XPR1: variants seen among roughly 807,000 people sequenced by gnomAD.
XPR1 encodes xenotropic and polytropic retrovirus receptor 1, also known as solute carrier family 53 member 1.
In XPR1, 28 loss-of-function variants were observed where a neutral mutation model predicts 87.5. The observed-to-expected ratio is 0.32, with a 90% CI of 0.24 to 0.44. The LOEUF (loss-of-function observed/expected upper bound fraction) is 0.44. Among genes scored for constraint, XPR1 ranks in the 20% least tolerant of loss-of-function variants. XPR1 has a pLI of 1.00. For missense variants in XPR1, 559 were observed against 862.3 expected, an observed-to-expected ratio of 0.65 and a Z score of 4.41; for synonymous variants, 300 against 306.1, an observed-to-expected ratio of 0.98 and a Z score of 0.21.
intron 6 of XPR1, 55 bp downstream of exon 6, chr1:180,806,612 A>G (rs369365659): frequency 1.3e-6 from 2 of 1,501,036 alleles, no homozygotes; most frequent in South Asian, 1.2e-5. Flanking sequence ...TAATCAACAC[A>G]GTATTTAGCT....
intron 2 of XPR1, among the ~76,000 whole-genome samples, chr1:180,750,814 A>G (rs750612026): frequency 1.1e-4 from 17 of 152,068 alleles, no homozygotes; most frequent in Admixed American, 5.9e-4. Context: ...CACTGAATCT[A>G]TAGATTATTT....
intron 2 of XPR1, among the ~76,000 whole-genome samples, chr1:180,745,736 A>G (rs1228167116): frequency 1.3e-5 from 2 of 152,336 alleles, no homozygotes; most frequent in South Asian, 4.1e-4. Flanking sequence ...CAGATACTGA[A>G]GAGGAAAAAT....
intron 2 of XPR1, among the ~76,000 whole-genome samples, chr1:180,688,621 C>T (rs1656869789): frequency 6.6e-6 from 1 of 151,980 alleles, no homozygotes; most frequent in Admixed American, 6.5e-5. Context: ...TCAGTCATAC[C>T]TTAATAATCA....
chr1:180,770,165 G>C (rs1214650131), intron 2 of XPR1, among the ~76,000 whole-genome samples: 1 of 152,020 alleles, frequency 6.6e-6, no homozygotes, highest in Non-Finnish European at 1.5e-5. Flanking sequence ...TTATGTTTTT[G>C]TCTTCTGAAA....
rs189176534 is a variant in XPR1 at position 180,790,308 on chromosome 1, T to G, written c.223+2454T>G. On this transcript the variant is annotated intron_variant, in intron 3 of 14. Transcript: ENST00000367590. The stretch of plus-strand genomic sequence containing the variant: ...TCTAAGAATTATTAAATAAATATAT[T>G]TAACTTCCCTTTATACCAATTCAAT... 2.9e-3 allele frequency among the ~76,000 whole-genome samples: 442 copies of G among 152,278 alleles called. 3 individuals carry two copies. The highest frequency in any genetic ancestry group is 9.6e-3 in the African/African-American group (400 of 41,548).
intron 3 of XPR1, among the ~76,000 whole-genome samples, chr1:180,802,983 G>A (rs562032938): frequency 2.0e-5 from 3 of 152,126 alleles, no homozygotes; most frequent in Non-Finnish European, 2.9e-5. Flanking sequence ...TATTATAAAT[G>A]CAAGTTAGTA....
At chr1:180,789,785 C>T (rs1273658719) in intron 3 of XPR1, among the ~76,000 whole-genome samples, 1 of 152,214 alleles carries the variant, frequency 6.6e-6, no homozygotes, top group South Asian at 2.1e-4. Context: ...TCCCTTTACC[C>T]TCATTGCCTT....
chr1:180,777,655 T>C (rs1321929676), intron 2 of XPR1, among the ~76,000 whole-genome samples: 2 of 152,236 alleles, frequency 1.3e-5, no homozygotes, highest in Non-Finnish European at 2.9e-5. Context: ...ATAATTCATC[T>C]ACCCATCTGT....
chr1:180,699,001 G>A (rs1657260768), intron 2 of XPR1, among the ~76,000 whole-genome samples: 1 of 152,062 alleles, frequency 6.6e-6, no homozygotes, highest in African/African-American at 2.4e-5. Flanking sequence ...ACCTTTGTGG[G>A]TTGAATCTGT....
intron 2 of XPR1, among the ~76,000 whole-genome samples, chr1:180,759,486 C>T (rs1647905027): frequency 6.6e-6 from 1 of 152,174 alleles, no homozygotes; most frequent in Non-Finnish European, 1.5e-5. Context: ...ACTACAAACA[C>T]CTCTACGCAC....
At chr1:180,768,752 T>TA (rs1473108490) in intron 2 of XPR1, among the ~76,000 whole-genome samples, 3 of 152,260 alleles carry the variant, frequency 2.0e-5, no homozygotes, top group Admixed American at 6.5e-5. Context: ...TCAACTCCCC[T>TA]AAACACATGT....
At chr1:180,865,439 C>T (rs1243343276) in intron 12 of XPR1, among the ~76,000 whole-genome samples, 2 of 148,152 alleles carry the variant, frequency 1.3e-5, no homozygotes, top group Non-Finnish European at 3.0e-5. Context: ...CTTGCTCTGT[C>T]ACCCAGGCTA....
intron 2 of XPR1, among the ~76,000 whole-genome samples, chr1:180,716,741 TG>T (rs1164518601): frequency 2.0e-5 from 3 of 152,190 alleles, no homozygotes; most frequent in Non-Finnish European, 4.4e-5. Flanking sequence ...TCTTCCCCTC[TG>T]GAATTAGGTC....
chr1:180,882,420 G>A (rs1245301629), intron 14 of XPR1, among the ~76,000 whole-genome samples: 3 of 152,070 alleles, frequency 2.0e-5, no homozygotes, highest in South Asian at 2.1e-4. Flanking sequence ...GCAGCAGCAC[G>A]ATCATGACTC....
chr1:180,834,891 C>G lies in XPR1; in HGVS notation c.1152C>G (p.Ala384=). 2.5e-6 allele frequency: 4 copies of G among 1,611,802 alleles called. No individual in the cohort carries two copies. Among genetic ancestry groups the G allele is most frequent in the Non-Finnish European group, 3.4e-6 (4 of 1,179,240 alleles). ...TCTTTCAGTTTCGAGTATTTACAGC[C>G]CCCTTCCATAAGGTAGGCTTTGCTG... ...LLKLLFRVFT[A]PFHKVGFADF... The change falls in exon 10 of 15, where the codon GCC becomes GCG. Residue 384 remains alanine, a synonymous_variant. Transcript: ENST00000367590.
chr1:180,721,167 G>A (rs1470285233), intron 2 of XPR1, among the ~76,000 whole-genome samples: 3 of 151,196 alleles, frequency 2.0e-5, no homozygotes, highest in Non-Finnish European at 4.4e-5. Flanking sequence ...ATTGCGGTGA[G>A]CTGAGATTAC....
chr1:180,787,096 G>A (rs570765976), intron 2 of XPR1, among the ~76,000 whole-genome samples: 17 of 152,092 alleles, frequency 1.1e-4, no homozygotes, highest in Admixed American at 3.9e-4. Context: ...CTTGCTGAAT[G>A]AATTCTACTC....
intron 1 of XPR1, among the ~76,000 whole-genome samples, chr1:180,644,076 A>G (rs1655036705): frequency 6.6e-6 from 1 of 152,166 alleles, no homozygotes; most frequent in African/African-American, 2.4e-5. Flanking sequence ...GTGATGTGTA[A>G]ACATCTGGGT....
chr1:180,674,277 G>C (rs2101934616), intron 1 of XPR1, among the ~76,000 whole-genome samples: 1 of 152,116 alleles, frequency 6.6e-6, no homozygotes, highest in Non-Finnish European at 1.5e-5. Context: ...GTTTGTTTTT[G>C]AGAGGGAGTC....
Sources: gnomAD v4.1 joint callset for allele counts (sites outside exome capture counted in the v4.1 genomes callset) on GRCh38, gnomAD v4.1.1 for gene constraint, MANE v1.5 for transcripts, NCBI Gene and HGNC (gene_info 2026-07-23, HGNC 2026-07-21) for gene names.